Variants in TTC39C observed in about 807,000 individuals in gnomAD.
TTC39C encodes the protein tetratricopeptide repeat domain 39C, also known as tetratricopeptide repeat protein 39C.
In TTC39C, 33 loss-of-function variants were observed where a neutral mutation model predicts 76.3. That is an observed-to-expected ratio of 0.43 (90% CI 0.33 to 0.58). The LOEUF is 0.58. TTC39C is among the 20% of genes least tolerant of loss of function. The probability of loss-of-function intolerance (pLI) is 0.04; values close to 1 mark genes in which losing one functional copy is unlikely to be tolerated. For missense variants in TTC39C, 595 were observed against 701.4 expected, an observed-to-expected ratio of 0.85 and a Z score of 1.71; for synonymous variants, 254 against 260.6, an observed-to-expected ratio of 0.97 and a Z score of 0.24.
At chr18:24,045,719 C>CT (rs2083860630) in intron 1 of TTC39C, among the ~76,000 whole-genome samples, 1 of 151,416 alleles carries the variant, frequency 6.6e-6, no homozygotes, top group Non-Finnish European at 1.5e-5. Context: ...ATTACTTCTT[C>CT]TGTGTGCACA....
At chr18:24,072,681 C>T (rs994806588) in intron 4 of TTC39C, among the ~76,000 whole-genome samples, 5 of 152,220 alleles carry the variant, frequency 3.3e-5, no homozygotes, top group African/African-American at 1.2e-4. Context: ...TTTAATTTCC[C>T]ATACTACTTT....
intron 1 of TTC39C, among the ~76,000 whole-genome samples, chr18:24,045,161 T>C (rs992743166): frequency 2.0e-4 from 30 of 150,508 alleles, no homozygotes; most frequent in South Asian, 1.9e-3. Flanking sequence ...CTCAGCTATT[T>C]GGGAGGCTGA....
In TTC39C at chr18:24,069,232, T is replaced by C. The variant is rs2084206788; in HGVS notation, c.421T>C (p.Tyr141His). 1 of 1,613,978 alleles carries C rather than the reference T, an allele frequency of 6.2e-7. No homozygotes were observed. The highest frequency in any genetic ancestry group is 1.1e-5 in the South Asian group (1 of 91,078). Residue 141 changes from tyrosine to histidine, a missense_variant, in exon 4 of 14, where the codon TAC becomes CAC. Tyr to His is a moderately conservative substitution (Grantham distance 83). Coordinates refer to ENST00000317571, the MANE Select transcript of TTC39C (RefSeq NM_001135993.2). Reference protein sequence around the residue: ...RQIIIADCQVYLAVLSFVKQE... With the variant: ...RQIIIADCQVHLAVLSFVKQE... Reference sequence around the variant, plus strand: ...GATAATCATAGCTGACTGCCAGGTTTACCTGGCTGTGCTTTCATTTGTAAA... The same window carrying C: ...GATAATCATAGCTGACTGCCAGGTTCACCTGGCTGTGCTTTCATTTGTAAA...
upstream of TTC39C, among the ~76,000 whole-genome samples, chr18:24,009,913 G>A (rs774615116): frequency 6.6e-6 from 1 of 152,232 alleles, no homozygotes; most frequent in Admixed American, 6.5e-5. Flanking sequence ...TCCCAGGGCA[G>A]CCATGAGTGT....
chr18:24,097,094 G>A (rs910491578), intron 6 of TTC39C, among the ~76,000 whole-genome samples: 3 of 152,214 alleles, frequency 2.0e-5, no homozygotes, highest in Non-Finnish European at 4.4e-5. Context: ...GGAATGGACA[G>A]GAGCATTGTC....
Position 23,996,926 on chromosome 18 carries a change from A to G in TTC39C, c.-17+3888A>G, listed in dbSNP as rs113397980. On this transcript the variant is annotated intron_variant, in intron 1 of 13. Coordinates refer to the TTC39C transcript ENST00000304621. ...AGATCGAAACTATCCTGGCTAACATAGTGAAACCCCGTCTCTACTAAAAAT... is the reference window on the plus strand; with the variant it reads ...AGATCGAAACTATCCTGGCTAACATGGTGAAACCCCGTCTCTACTAAAAAT... 5.4e-3 allele frequency among the ~76,000 whole-genome samples: 820 copies of G among 152,040 alleles called. 13 individuals are homozygous for G. The highest frequency in any genetic ancestry group is 0.019 in the African/African-American group (770 of 41,470).
At chr18:24,114,722 AGT>A (rs2084869887) in intron 7 of TTC39C, 75 bp downstream of exon 7, 1 of 1,160,400 alleles carries the variant, frequency 8.6e-7, no homozygotes, top group South Asian at 1.3e-5. Flanking sequence ...CATGCCATTC[AGT>A]GTGTGTCTAC....
intron 7 of TTC39C, 84 bp from the exon 8 acceptor site, chr18:24,118,041 C>T (rs1029299162): frequency 6.5e-5 from 64 of 991,530 alleles, no homozygotes; most frequent in Non-Finnish European, 8.1e-5. Context: ...AGAGAATGAT[C>T]GCCATATCAG....
chr18:24,030,906 A>G (rs1474405503), intron 1 of TTC39C, among the ~76,000 whole-genome samples: 1 of 151,766 alleles, frequency 6.6e-6, no homozygotes, highest in African/African-American at 2.4e-5. Context: ...TCGGCCTCCC[A>G]AAGTGCTGGG....
At chr18:24,114,219 G>C in intron 6 of TTC39C, 1 of 270,110 alleles carries the variant, frequency 3.7e-6, no homozygotes, top group South Asian at 4.4e-5. Context: ...GGAGGAGAAG[G>C]CGGCGCGAGC....
intron 7 of TTC39C, chr18:24,115,133 G>A (rs1350637220): frequency 2.0e-5 from 3 of 153,158 alleles, no homozygotes; most frequent in Admixed American, 6.5e-5. Flanking sequence ...ATGACATGAC[G>A]TGTGAAACCT....
chr18:24,014,790 T>G lies in TTC39C; in HGVS notation c.-82T>G. The G allele has an allele frequency of 8.9e-7, 1 of 1,126,206 alleles. No homozygotes were observed. Among genetic ancestry groups the G allele is most frequent in the East Asian group, 4.8e-5 (1 of 20,942 alleles). The allele number at this position is 1,126,206 out of a possible 1,614,324, so 69.8% of individuals were successfully genotyped here. ...CCGGCTCCGCTTGGCTCCGGGCAGGTAGAGCCGGGCTCCGGGCGCGCGCGG... is the reference window on the plus strand; with the variant it reads ...CCGGCTCCGCTTGGCTCCGGGCAGGGAGAGCCGGGCTCCGGGCGCGCGCGG... On this transcript the variant is annotated 5_prime_UTR_variant, in exon 1 of 14. Coordinates refer to ENST00000317571, the MANE Select transcript of TTC39C (RefSeq NM_001135993.2).
chr18:24,023,799 T>C (rs895245603), intron 1 of TTC39C, among the ~76,000 whole-genome samples: 1 of 95,164 alleles, frequency 1.1e-5, no homozygotes, highest in African/African-American at 3.8e-5. Flanking sequence ...TCACACCAAA[T>C]GCCCCCTTTT....
intron 2 of TTC39C, 103 bp from the exon 3 acceptor site, chr18:24,065,909 A>G (rs2084159975): frequency 8.2e-6 from 10 of 1,220,254 alleles, no homozygotes; most frequent in Non-Finnish European, 1.1e-5. Context: ...TGCTTGCAAT[A>G]AATAATTTAA....
intron 6 of TTC39C, among the ~76,000 whole-genome samples, chr18:24,085,180 T>A (rs2084424764): frequency 1.3e-5 from 2 of 152,212 alleles, no homozygotes; most frequent in Admixed American, 1.3e-4. Context: ...AGTGTAGAAT[T>A]GAGAGATTTA....
intron 13 of TTC39C, among the ~76,000 whole-genome samples, 199 bp from the exon 14 acceptor site, chr18:24,132,286 T>C (rs182115159): frequency 3.9e-5 from 6 of 152,322 alleles, no homozygotes; most frequent in East Asian, 1.9e-4. Context: ...GAGAACCTTA[T>C]TGACATTCAG....
chr18:24,116,042 C>T (rs942334545), intron 7 of TTC39C, among the ~76,000 whole-genome samples: 11 of 152,198 alleles, frequency 7.2e-5, no homozygotes, highest in African/African-American at 1.4e-4. Context: ...GGTAGTAACT[C>T]GGGCTTCCGA....
chr18:24,036,927 C>G (rs866681378), intron 1 of TTC39C, among the ~76,000 whole-genome samples: 4 of 152,190 alleles, frequency 2.6e-5, no homozygotes, highest in African/African-American at 9.7e-5. Flanking sequence ...GCCACCGTGC[C>G]TGGCCATTTT....
intron 6 of TTC39C, among the ~76,000 whole-genome samples, chr18:24,085,258 AG>A (rs1456911432): frequency 6.6e-6 from 1 of 152,216 alleles, no homozygotes; most frequent in Non-Finnish European, 1.5e-5. Context: ...CAGGGCAGTG[AG>A]GCCCCTTAGC....
Sources: gnomAD v4.1 joint callset for allele counts (sites outside exome capture counted in the v4.1 genomes callset) on GRCh38, gnomAD v4.1.1 for gene constraint, MANE v1.5 for transcripts, NCBI Gene and HGNC (gene_info 2026-07-23, HGNC 2026-07-21) for gene names.